The following SLC30A9 variants were observed in gnomAD, a reference collection of about 807,000 sequenced individuals.
SLC30A9 encodes solute carrier family 30 member 9.
In SLC30A9, 58 loss-of-function variants were observed where a neutral mutation model predicts 87.5. That is an observed-to-expected ratio of 0.66 (90% CI 0.54 to 0.82). SLC30A9 has a LOEUF of 0.82. Ranked by LOEUF, SLC30A9 falls within the 40% of genes least tolerant of loss-of-function variation. SLC30A9 has a pLI of 0.00. For missense variants in SLC30A9, 557 were observed against 679.1 expected (o/e 0.82, Z 2.00); for synonymous variants, 234 against 233.0 (o/e 1.00, Z -0.04).
At chr4:42,031,013 T>G (rs1716412421) in intron 6 of SLC30A9, among the ~76,000 whole-genome samples, 1 of 152,256 alleles carries the variant, frequency 6.6e-6, no homozygotes, top group Non-Finnish European at 1.5e-5. Context: ...AAGAATTTTT[T>G]ATTTATGCAG....
In SLC30A9 at chr4:42,088,024, A is replaced by C. The variant is rs554054927; in HGVS notation, c.*1898A>C. The C allele has an allele frequency of 6.6e-6, 1 of 152,154 alleles. No homozygotes were observed. Among genetic ancestry groups the C allele is most frequent in the South Asian group, 2.1e-4 (1 of 4,826 alleles). The allele number at this position is 152,154 out of a possible 1,614,324, so 9.4% of individuals were successfully genotyped here. ...TTTTTAGGATTCCCTAATAAAAAAA[A>C]AAAAAATTCTGATATTTCTTTTTAA... is the stretch of plus-strand genomic sequence containing the variant. On this transcript the variant is annotated 3_prime_UTR_variant, in exon 18 of 18. Transcript: ENST00000264451.
intron 17 of SLC30A9, among the ~76,000 whole-genome samples, chr4:42,083,843 G>C (rs1718824694): frequency 6.6e-6 from 1 of 152,042 alleles, no homozygotes; most frequent in Admixed American, 6.6e-5. Context: ...AAAAAGTTGG[G>C]AACAAAAGTG....
chr4:42,039,466 C>CT (rs34260301), intron 8 of SLC30A9, among the ~76,000 whole-genome samples: 2,696 of 141,304 alleles, frequency 0.019, 47 homozygotes, highest in African/African-American at 0.049. Context: ...TTTGCCTCCT[C>CT]TTTTTTTTTT....
At position 42,089,423 on chromosome 4, in the gene SLC30A9, G is replaced by GT. The variant is rs201718986; in HGVS notation, c.*3305dup. On this transcript the variant is annotated 3_prime_UTR_variant, in exon 18 of 18. Coordinates refer to ENST00000264451, the MANE Select transcript of SLC30A9 (RefSeq NM_006345.4). ...GGAGGATGAGGGGTGGAGTGTTTTTGTTTTTTTTGTTTTTTTTTGAGACAG... is the reference window on the plus strand; with the variant it reads ...GGAGGATGAGGGGTGGAGTGTTTTTGTTTTTTTTTGTTTTTTTTTGAGACAG... 3.4e-3 allele frequency: 523 copies of GT among 151,628 alleles called. 1 individual carries two copies. Among genetic ancestry groups the GT allele is most frequent in the Admixed American group, 4.1e-3 (63 of 15,192 alleles). 9.4% of individuals were successfully genotyped at this position (151,628 alleles called of 1,614,324 possible).
At chr4:41,999,472 A>G (rs530179376) in intron 1 of SLC30A9, among the ~76,000 whole-genome samples, 12 of 152,342 alleles carry the variant, frequency 7.9e-5, no homozygotes, top group African/African-American at 2.6e-4. Flanking sequence ...TCCTGATGAA[A>G]GAACTCATCA....
intron 3 of SLC30A9, chr4:42,018,469 G>T: frequency 8.3e-7 from 1 of 1,204,860 alleles, no homozygotes. Context: ...AAGAACAAGA[G>T]GCCCACACTT....
intron 17 of SLC30A9, among the ~76,000 whole-genome samples, chr4:42,080,326 A>T (rs1718705225): frequency 6.6e-6 from 1 of 152,170 alleles, no homozygotes; most frequent in Non-Finnish European, 1.5e-5. Flanking sequence ...TCACCGAATC[A>T]TGTTATACCC....
chr4:42,077,403 G>A (rs1258739481), intron 16 of SLC30A9, among the ~76,000 whole-genome samples: 1 of 151,812 alleles, frequency 6.6e-6, no homozygotes, highest in African/African-American at 2.4e-5. Flanking sequence ...TTATTTTATT[G>A]CATTGTATTA....
At chr4:42,015,097 A>G (rs1024507771) in intron 2 of SLC30A9, among the ~76,000 whole-genome samples, 1 of 152,182 alleles carries the variant, frequency 6.6e-6, no homozygotes, top group Non-Finnish European at 1.5e-5. Flanking sequence ...ATTTGAGATG[A>G]TCGATGCTCC....
At chr4:42,073,693 A>G (rs1185691072) in intron 15 of SLC30A9, among the ~76,000 whole-genome samples, 6 of 152,192 alleles carry the variant, frequency 3.9e-5, no homozygotes, top group Admixed American at 3.3e-4. Context: ...CTCCTTGCCA[A>G]ATGGGCCTCT....
chr4:42,082,668 T>G (rs565670118), intron 17 of SLC30A9, among the ~76,000 whole-genome samples: 1 of 152,256 alleles, frequency 6.6e-6, no homozygotes, highest in African/African-American at 2.4e-5. Flanking sequence ...ACCAATATGG[T>G]GAAACCCCAT....
In SLC30A9 at chr4:42,070,805, T is replaced by G. The variant is rs1718284502; in HGVS notation, c.1418+114T>G. On this transcript the variant is annotated intron_variant, in intron 15 of 17. Transcript: ENST00000264451. ...TTTTGGATTCCTCGTCTTCAGAACG[T>G]TTTAGTCTGTAACTTTTCAGAATTA... 32 of 732,812 alleles carry G rather than the reference T, an allele frequency of 4.4e-5. No homozygotes were observed. In the South Asian group the frequency reaches 9.5e-4, roughly 22 times the overall value. 45.4% of individuals were successfully genotyped at this position (732,812 alleles called of 1,614,324 possible). A position where few individuals can be genotyped will look rare whatever the true frequency, so the allele number is the denominator to read the frequency against.
intron 15 of SLC30A9, among the ~76,000 whole-genome samples, chr4:42,071,321 G>A (rs1046938124): frequency 2.0e-5 from 3 of 151,846 alleles, no homozygotes; most frequent in Non-Finnish European, 2.9e-5. Context: ...CTACTAACTC[G>A]CTCTATATTT....
At position 41,990,604 on chromosome 4, in the gene SLC30A9, C is replaced by A. The variant is rs1714380678; in HGVS notation, c.-48C>A. Reference sequence around the variant, plus strand: ...TGGAGTCAGTTGGTACCGGTGGCGGCGCGGAGGCAGAAGGCGGTGTCCGAG... The same window carrying A: ...TGGAGTCAGTTGGTACCGGTGGCGGAGCGGAGGCAGAAGGCGGTGTCCGAG... On this transcript the variant is annotated 5_prime_UTR_variant, in exon 1 of 18. Transcript: ENST00000264451. 1.7e-6 allele frequency: 2 copies of A among 1,178,860 alleles called. No homozygotes were observed. Among genetic ancestry groups the A allele is most frequent in the Admixed American group, 2.1e-5 (1 of 47,472 alleles). 73.0% of individuals were successfully genotyped at this position (1,178,860 alleles called of 1,614,324 possible). A position where few individuals can be genotyped will look rare whatever the true frequency, so the allele number is the denominator to read the frequency against.
intron 1 of SLC30A9, among the ~76,000 whole-genome samples, chr4:41,995,026 G>T (rs948831251): frequency 6.6e-6 from 1 of 152,088 alleles, no homozygotes; most frequent in Non-Finnish European, 1.5e-5. Context: ...GGGAGGCCAA[G>T]GTGGGCGGAT....
chr4:42,031,279 CA>C (rs1389057551), intron 6 of SLC30A9, among the ~76,000 whole-genome samples: 1 of 148,908 alleles, frequency 6.7e-6, no homozygotes, highest in African/African-American at 2.5e-5. Flanking sequence ...AAAAAAAAAA[CA>C]GAAGACATCT....
chr4:42,065,211 TG>T lies in SLC30A9; in HGVS notation c.1033-98del. 3 of 706,650 alleles carry T rather than the reference TG, an allele frequency of 4.2e-6. No individual in the cohort carries two copies. The South Asian group carries it at 4.5e-5, about 10-fold the overall frequency. The allele number at this position is 706,650 out of a possible 1,614,324, so 43.8% of individuals were successfully genotyped here. A position where few individuals can be genotyped will look rare whatever the true frequency, so the allele number is the denominator to read the frequency against. On this transcript the variant is annotated intron_variant, in intron 11 of 17. Transcript: ENST00000264451. ...GTAACCTTACTGTCTGGCTTAAATT[TG>T]AATTCGTGTTTTTGTTTTAGACATT...
intron 16 of SLC30A9, among the ~76,000 whole-genome samples, chr4:42,076,700 ACGT>A (rs1262440027): frequency 6.6e-6 from 1 of 152,140 alleles, no homozygotes; most frequent in Non-Finnish European, 1.5e-5. Context: ...GCGGTGGCTC[ACGT>A]CTGTAATCCC....
intron 17 of SLC30A9, among the ~76,000 whole-genome samples, chr4:42,084,864 T>G (rs968736233): frequency 2.0e-5 from 3 of 152,214 alleles, no homozygotes; most frequent in Non-Finnish European, 4.4e-5. Context: ...CTACTTAATT[T>G]ACCTATATCA....
Sources: allele counts gnomAD v4.1 joint callset (sites outside exome capture counted in the v4.1 genomes callset), GRCh38; gene constraint gnomAD v4.1.1; transcripts MANE v1.5; gene names NCBI Gene and HGNC (gene_info 2026-07-23, HGNC 2026-07-21).